ZYG11B: variants seen among roughly 807,000 people sequenced by gnomAD.
ZYG11B encodes zyg-11 family member B, cell cycle regulator, also known as protein zyg-11 homolog B.
A neutral mutation model predicts 82.4 loss-of-function variants in ZYG11B; 36 were observed. The observed-to-expected ratio is 0.44, with a 90% CI of 0.33 to 0.58. The LOEUF is 0.58. ZYG11B is among the 20% of genes least tolerant of loss of function. The pLI, the probability that ZYG11B is intolerant of heterozygous loss-of-function variation, is 0.02. For synonymous variants in ZYG11B, 303 were observed against 312.8 expected (o/e 0.97, Z 0.33); for missense variants, 552 against 895.6 (o/e 0.62, Z 4.90).
intron 13 of ZYG11B, among the ~76,000 whole-genome samples, chr1:52,819,178 G>T: frequency 6.6e-6 from 1 of 152,154 alleles, no homozygotes; most frequent in Non-Finnish European, 1.5e-5. Flanking sequence ...TCAATGAATG[G>T]GATGTGACCG....
chr1:52,803,123 C>CATATATATATATACAT (rs1313356218), intron 10 of ZYG11B, among the ~76,000 whole-genome samples: 1 of 53,652 alleles, frequency 1.9e-5, no homozygotes, highest in Non-Finnish European at 2.8e-5. Flanking sequence ...TATATACACA[C>CATATATATATATACAT]ATATATATAT....
intron 2 of ZYG11B, among the ~76,000 whole-genome samples, chr1:52,766,939 T>C (rs1571761900): frequency 6.6e-6 from 1 of 150,800 alleles, no homozygotes. Flanking sequence ...ACCCGGGAGG[T>C]AGAGCTTGCA....
At chr1:52,756,314 C>A (rs757173119) in intron 1 of ZYG11B, 144 bp from the exon 2 acceptor site, 7 of 673,942 alleles carry the variant, frequency 1.0e-5, no homozygotes, top group African/African-American at 1.8e-5. Flanking sequence ...AGATTGTATT[C>A]CACTGCCTTA....
At position 52,816,843 on chromosome 1, in the gene ZYG11B, C is replaced by T. The variant is rs148568527; in HGVS notation, c.2044+214C>T. 2.6e-4 allele frequency among the ~76,000 whole-genome samples: 35 copies of T among 132,276 alleles called. 1 individual carries two copies. Among genetic ancestry groups the T allele is most frequent in the African/African-American group, 8.5e-4 (30 of 35,316 alleles). The allele number at this position is 132,276 out of a possible 152,430, so 86.8% of individuals were successfully genotyped here. On this transcript the variant is annotated intron_variant, in intron 13 of 13. Coordinates refer to ENST00000294353, the MANE Select transcript of ZYG11B (RefSeq NM_024646.3). ...CGCTCTTGTTCCCCAGGCTGGAGTA[C>T]AGTGGCGCGATCTCGGCTCACTGGA...
chr1:52,746,687 G>GTTTTTTTTTTTTT lies in ZYG11B; in HGVS notation c.31-9756_31-9744dup. ...ACCAAAAAAATAAAGATCGGCCACT[G>GTTTTTTTTTTTTT]TTTTTTTTTTTTTTTTTTTTTTTTT... On this transcript the variant is annotated intron_variant, in intron 1 of 13. Transcript: ENST00000294353. Among the ~76,000 whole-genome samples the GTTTTTTTTTTTTT allele has an allele frequency of 6.7e-3, 223 of 33,502 alleles. 42 individuals are homozygous for GTTTTTTTTTTTTT. Among genetic ancestry groups the GTTTTTTTTTTTTT allele is most frequent in the Middle Eastern group, 0.016 (1 of 64 alleles). 22.0% of individuals were successfully genotyped at this position (33,502 alleles called of 152,430 possible).
At chr1:52,779,748 C>T (rs1388051399) in intron 3 of ZYG11B, 105 bp from the exon 4 acceptor site, 5 of 1,443,422 alleles carry the variant, frequency 3.5e-6, no homozygotes, top group Non-Finnish European at 4.7e-6. Context: ...CCTTGGCCTC[C>T]CAAAGTACTG....
chr1:52,726,671 C>T lies in ZYG11B; in HGVS notation c.18C>T (p.Ala6=), dbSNP rs1408016620. 4.1e-6 allele frequency: 6 copies of T among 1,479,414 alleles called. No homozygotes were observed. Among genetic ancestry groups the T allele is most frequent in the Non-Finnish European group, 5.3e-6 (6 of 1,121,954 alleles). The allele number at this position is 1,479,414 out of a possible 1,614,324, so 91.6% of individuals were successfully genotyped here. A position where few individuals can be genotyped will look rare whatever the true frequency, so the allele number is the denominator to read the frequency against. Residue 6 remains alanine, a synonymous_variant, in exon 1 of 14, where the codon GCC becomes GCT. Coordinates refer to ENST00000294353, the MANE Select transcript of ZYG11B (RefSeq NM_024646.3). The stretch of plus-strand genomic sequence containing the variant: ...GAGGCTGCATGCCCGAGGACCAGGC[C>T]GGCGCAGCCATGGTGAGGGAGCAAG... The part of the protein sequence containing the change: MPEDQ[A]GAAMEEASPY...
chr1:52,817,145 CTGAA>C (rs1455826337), intron 13 of ZYG11B, among the ~76,000 whole-genome samples: 2 of 152,004 alleles, frequency 1.3e-5, no homozygotes, highest in Non-Finnish European at 1.5e-5. Context: ...TAACTAGACA[CTGAA>C]TAATAGTGGT....
chr1:52,787,892 A>G (rs1238758104), intron 5 of ZYG11B, among the ~76,000 whole-genome samples: 1 of 152,158 alleles, frequency 6.6e-6, no homozygotes, highest in Non-Finnish European at 1.5e-5. Flanking sequence ...ACTAAGTGCT[A>G]CAGAAAGTTG....
At position 52,732,437 on chromosome 1, in the gene ZYG11B, ATATAATT is replaced by A. The variant is rs143894681; in HGVS notation, c.30+5758_30+5764del. ...TCTGTATCTCCCCCTATTATTAGACATATAATTTATTAGCTGACTAAAATTCTAAATT... is the reference window on the plus strand; with the variant it reads ...TCTGTATCTCCCCCTATTATTAGACATATTAGCTGACTAAAATTCTAAATT... On this transcript the variant is annotated intron_variant, in intron 1 of 13. Coordinates refer to ENST00000294353, the MANE Select transcript of ZYG11B (RefSeq NM_024646.3). 6.4e-3 allele frequency among the ~76,000 whole-genome samples: 971 copies of A among 152,298 alleles called. 11 individuals carry two copies. Among genetic ancestry groups the A allele is most frequent in the African/African-American group, 0.022 (933 of 41,566 alleles).
intron 10 of ZYG11B, among the ~76,000 whole-genome samples, chr1:52,811,237 T>C (rs1645180454): frequency 6.6e-6 from 1 of 152,124 alleles, no homozygotes; most frequent in African/African-American, 2.4e-5. Context: ...AGTGGACAAT[T>C]TTTTTCTGTT....
intron 1 of ZYG11B, among the ~76,000 whole-genome samples, chr1:52,732,056 G>A (rs138793344): frequency 3.3e-5 from 5 of 152,318 alleles, no homozygotes; most frequent in African/African-American, 7.2e-5. Flanking sequence ...GCCCACTTTG[G>A]CTTCCCAAAG....
At chr1:52,732,905 C>T (rs969210030) in intron 1 of ZYG11B, among the ~76,000 whole-genome samples, 4 of 150,940 alleles carry the variant, frequency 2.7e-5, no homozygotes, top group African/African-American at 2.4e-5. Context: ...ACCCGGGGGG[C>T]GCGGAGGTTG....
chr1:52,813,988 G>A, intron 12 of ZYG11B, 76 bp downstream of exon 12: 1 of 1,416,814 alleles, frequency 7.1e-7, no homozygotes, highest in Non-Finnish European at 9.8e-7. Context: ...CCTACTAGAT[G>A]CATAATTTTT....
chr1:52,736,652 C>T (rs1281814045), intron 1 of ZYG11B, among the ~76,000 whole-genome samples: 2 of 152,090 alleles, frequency 1.3e-5, no homozygotes, highest in African/African-American at 4.8e-5. Context: ...GAGGTTTCAC[C>T]ATGTTGGCCA....
At chr1:52,772,716 C>T (rs868320164) in intron 3 of ZYG11B, 82 of 679,634 alleles carry the variant, frequency 1.2e-4, no homozygotes, top group South Asian at 8.8e-4. Context: ...CTTGCTCTGT[C>T]GCCCAGGCTG....
intron 8 of ZYG11B, among the ~76,000 whole-genome samples, chr1:52,797,636 G>A (rs906014198): frequency 4.7e-5 from 7 of 148,906 alleles, no homozygotes; most frequent in Non-Finnish European, 7.4e-5. Flanking sequence ...AGCCTCCCGA[G>A]TAGCTGGGAC....
intron 3 of ZYG11B, among the ~76,000 whole-genome samples, chr1:52,776,069 A>G (rs1644802583): frequency 6.7e-6 from 1 of 148,150 alleles, no homozygotes; most frequent in African/African-American, 2.5e-5. Flanking sequence ...TCCCAAAAAA[A>G]TTAGCCGGGC....
intron 2 of ZYG11B, among the ~76,000 whole-genome samples, chr1:52,762,772 G>A (rs1372677663): frequency 1.3e-5 from 2 of 151,894 alleles, no homozygotes; most frequent in East Asian, 1.9e-4. Flanking sequence ...AGTAGAGACA[G>A]GGTTTCACCA....
Sources: allele counts gnomAD v4.1 joint callset (sites outside exome capture counted in the v4.1 genomes callset), GRCh38; gene constraint gnomAD v4.1.1; transcripts MANE v1.5; gene names NCBI Gene and HGNC (gene_info 2026-07-23, HGNC 2026-07-21).